DYTN: variants seen among roughly 807,000 people sequenced by gnomAD.
DYTN encodes the protein dystrotelin.
In DYTN, 75 loss-of-function variants were observed where a neutral mutation model predicts 69.6. The ratio of observed to expected loss-of-function variants is 1.08; its 90% CI spans 0.89 to 1.31. DYTN has a LOEUF of 1.31. DYTN is among the 50% of genes most tolerant of loss of function. The probability of loss-of-function intolerance (pLI) is 0.00; values close to 1 mark genes in which losing one functional copy is unlikely to be tolerated. For missense variants in DYTN, 726 were observed against 688.4 expected (o/e 1.05, Z -0.61); for synonymous variants, 252 against 249.1 (o/e 1.01, Z -0.11).
Position 206,663,085 on chromosome 2 carries a change from T to C in DYTN, c.1451A>G (p.Gln484Arg). The change falls in exon 11 of 12, where the codon CAG becomes CGG. Residue 484 changes from glutamine to arginine, a missense_variant. Transcript: ENST00000452335. Reference sequence around the variant, plus strand: ...GGGGATGTCCTGCTTCAGTCCCTCCTGATAACTGGGTAGGGCACTAATGAC... The same window carrying C: ...GGGGATGTCCTGCTTCAGTCCCTCCCGATAACTGGGTAGGGCACTAATGAC... ...QKVISALPSY[Q>R]EGLKQDIPKM... 1.9e-6 allele frequency: 3 copies of C among 1,613,904 alleles called. No individual in the cohort carries two copies. The highest frequency in any genetic ancestry group is 2.5e-6 in the Non-Finnish European group (3 of 1,179,880).
chr2:206,690,225 A>G (rs1440592747), intron 9 of DYTN, among the ~76,000 whole-genome samples: 1 of 152,104 alleles, frequency 6.6e-6, no homozygotes, highest in African/African-American at 2.4e-5. Context: ...CCACGCAGGG[A>G]GGTGATCTAG....
Position 206,656,273 on chromosome 2 carries a change from T to C in DYTN, c.1634-4352A>G, listed in dbSNP as rs527421999. ...TTGTGTGAGTTTTTGACTTAAAGTC[T>C]ATTTTGTCTCATATAACTATAGCCA... On this transcript the variant is annotated intron_variant, in intron 11 of 11. Transcript: ENST00000452335. Among the ~76,000 whole-genome samples, 603 of 152,334 alleles carry C rather than the reference T, an allele frequency of 4.0e-3. 1 individual carries two copies. The highest frequency in any genetic ancestry group is 6.9e-3 in the Non-Finnish European group (467 of 68,026).
At chr2:206,692,382 G>A (rs1405677142) in intron 9 of DYTN, among the ~76,000 whole-genome samples, 4 of 152,120 alleles carry the variant, frequency 2.6e-5, no homozygotes, top group Non-Finnish European at 5.9e-5. Flanking sequence ...CTTTAGGTTG[G>A]TGATCAGGTA....
intron 1 of DYTN, 140 bp from the exon 2 acceptor site, chr2:206,710,738 T>C: frequency 3.3e-6 from 2 of 606,260 alleles, no homozygotes; most frequent in South Asian, 6.2e-5. Flanking sequence ...TCTTTTTTTT[T>C]CTGTAAACAA....
chr2:206,680,350 A>C (rs1283768021), intron 9 of DYTN, among the ~76,000 whole-genome samples: 1 of 152,132 alleles, frequency 6.6e-6, no homozygotes, highest in Non-Finnish European at 1.5e-5. Context: ...CCCACAACAC[A>C]TGGGGATTAT....
At chr2:206,675,870 C>T (rs1699681149) in intron 9 of DYTN, among the ~76,000 whole-genome samples, 2 of 152,106 alleles carry the variant, frequency 1.3e-5, no homozygotes, top group Non-Finnish European at 2.9e-5. Flanking sequence ...CAAATTAAAA[C>T]CACAATGAGA....
chr2:206,674,486 T>G (rs1407713857), intron 9 of DYTN, among the ~76,000 whole-genome samples: 2 of 152,108 alleles, frequency 1.3e-5, no homozygotes, highest in Non-Finnish European at 2.9e-5. Flanking sequence ...GCTTTACTGT[T>G]GAATATTAGC....
At chr2:206,657,919 T>C (rs1365571993) in intron 11 of DYTN, among the ~76,000 whole-genome samples, 1 of 152,180 alleles carries the variant, frequency 6.6e-6, no homozygotes, top group Non-Finnish European at 1.5e-5. Context: ...ATTTGAGAAA[T>C]TTTTGCCCTT....
intron 5 of DYTN, among the ~76,000 whole-genome samples, chr2:206,704,487 A>G (rs1015619036): frequency 1.8e-4 from 27 of 152,248 alleles, no homozygotes; most frequent in Non-Finnish European, 3.1e-4. Flanking sequence ...ATATGTTTTC[A>G]GTGGTGATTA....
chr2:206,686,864 G>A (rs1699815453), intron 9 of DYTN: 1 of 152,358 alleles, frequency 6.6e-6, no homozygotes, highest in African/African-American at 2.4e-5. Context: ...AATCTGGGGA[G>A]CAAGGCTCTC....
At chr2:206,695,377 C>T (rs1023146636) in intron 7 of DYTN, among the ~76,000 whole-genome samples, 2 of 152,054 alleles carry the variant, frequency 1.3e-5, no homozygotes, top group Non-Finnish European at 2.9e-5. Flanking sequence ...AAAATTAAGC[C>T]ATAAATAACA....
rs368704058 is a variant in DYTN, at chr2:206,693,219, C to T, written c.936G>A (p.Leu312=). The stretch of plus-strand genomic sequence containing the variant: ...GCACACCCTTTGGATTCACCTGGTC[C>T]AGCAGCTGCTGCCTTCTCGCTGCTT... ...KKEAARRQQL[L]DQVNPKGVPH... The change falls in exon 9 of 12, where the codon CTG becomes CTA. Residue 312 remains leucine (L), a synonymous_variant. Transcript: ENST00000452335. 397 of 1,613,216 alleles carry T rather than the reference C, an allele frequency of 2.5e-4. No homozygotes were observed. Among genetic ancestry groups the T allele is most frequent in the Admixed American group, 3.7e-4 (22 of 59,990 alleles).
At chr2:206,675,083 T>TCC (rs1699668792) in intron 9 of DYTN, among the ~76,000 whole-genome samples, 1 of 149,424 alleles carries the variant, frequency 6.7e-6, no homozygotes, top group Non-Finnish European at 1.5e-5. Context: ...ACAAGAGGTT[T>TCC]AAATATTGGA....
chr2:206,693,431 C>T lies in DYTN; in HGVS notation c.832-108G>A, dbSNP rs1699886498. The stretch of plus-strand genomic sequence containing the variant: ...CATGAAAGTTTTTGGAATTATTTCT[C>T]TTAAGTCCTCAGAAAAATAATCTTA... On this transcript the variant is annotated intron_variant, in intron 8 of 11. Coordinates refer to ENST00000452335, the MANE Select transcript of DYTN (RefSeq NM_001093730.1). 5 of 1,374,898 alleles carry T rather than the reference C, an allele frequency of 3.6e-6. No individual in the cohort carries two copies. The South Asian group carries it at 4.3e-5, about 12-fold the overall frequency. 85.2% of individuals were successfully genotyped at this position (1,374,898 alleles called of 1,614,324 possible).
rs114565967 is a variant in DYTN at position 206,680,985 on chromosome 2, C to T, written c.980+12190G>A. The stretch of plus-strand genomic sequence containing the variant: ...ACTTTGGACAGTATGGCTATTTTCA[C>T]GATATTGGTTCTTCTATTCATGAGG... On this transcript the variant is annotated intron_variant, in intron 9 of 11. Transcript: ENST00000452335. 2.7e-3 allele frequency among the ~76,000 whole-genome samples: 410 copies of T among 152,238 alleles called. 1 individual carries two copies. The highest frequency in any genetic ancestry group is 8.9e-3 in the African/African-American group (368 of 41,552).
At chr2:206,668,697 C>A (rs1171862689) in intron 9 of DYTN, among the ~76,000 whole-genome samples, 1 of 152,110 alleles carries the variant, frequency 6.6e-6, no homozygotes, top group African/African-American at 2.4e-5. Flanking sequence ...TTAATTTGTC[C>A]ATTACTGATA....
chr2:206,654,623 T>C (rs1699426342), intron 11 of DYTN, among the ~76,000 whole-genome samples: 4 of 152,216 alleles, frequency 2.6e-5, no homozygotes, highest in Admixed American at 6.5e-5. Context: ...GGAGGGTCAG[T>C]GCCCCTAACT....
At chr2:206,693,513 A>G (rs909773755) in intron 8 of DYTN, among the ~76,000 whole-genome samples, 190 bp from the exon 9 acceptor site, 8 of 152,124 alleles carry the variant, frequency 5.3e-5, no homozygotes, top group Admixed American at 3.9e-4. Flanking sequence ...TAAGTCTCCA[A>G]ATTAAACACC....
intron 7 of DYTN, 76 bp downstream of exon 7, chr2:206,699,651 A>T: frequency 1.3e-6 from 2 of 1,487,884 alleles, no homozygotes; most frequent in South Asian, 1.4e-5. Flanking sequence ...CCCCAAAAAG[A>T]ATCTGAAGGG....
Sources: gnomAD v4.1 joint callset for allele counts (sites outside exome capture counted in the v4.1 genomes callset) on GRCh38, gnomAD v4.1.1 for gene constraint, MANE v1.5 for transcripts, NCBI Gene and HGNC (gene_info 2026-07-23, HGNC 2026-07-21) for gene names.